Variants in ROBO2 observed in about 807,000 individuals in gnomAD.
The protein encoded by ROBO2 is roundabout guidance receptor 2.
A neutral mutation model predicts 160.8 loss-of-function variants in ROBO2; 53 were observed. That is an observed-to-expected ratio of 0.33 (90% CI 0.26 to 0.41). The LOEUF is 0.41. ROBO2 is among the 10% of genes least tolerant of loss of function. The pLI is 1.00. For synonymous variants in ROBO2, 664 were observed against 611.7 expected (o/e 1.09, Z -1.26); for missense variants, 1,577 against 1,722.4 (o/e 0.92, Z 1.49).
intron 2 of ROBO2, among the ~76,000 whole-genome samples, chr3:76,373,381 A>C (rs1186430514): frequency 1.3e-5 from 2 of 151,992 alleles, no homozygotes; most frequent in African/African-American, 4.8e-5. Flanking sequence ...ACAGAATATC[A>C]GTTTGGCTAT....
chr3:76,859,874 G>A (rs1192045857), intron 2 of ROBO2, among the ~76,000 whole-genome samples: 3 of 152,066 alleles, frequency 2.0e-5, no homozygotes, highest in African/African-American at 7.2e-5. Flanking sequence ...TGACTCATTG[G>A]AACACTGAGG....
intron 2 of ROBO2, among the ~76,000 whole-genome samples, chr3:76,165,894 A>C (rs560521451): frequency 6.6e-6 from 1 of 152,262 alleles, no homozygotes; most frequent in Non-Finnish European, 1.5e-5. Context: ...GTGAAGCAGC[A>C]AGTTTTCAGT....
At chr3:76,565,890 AATCTC>A (rs1297478182) in intron 2 of ROBO2, among the ~76,000 whole-genome samples, 1 of 152,154 alleles carries the variant, frequency 6.6e-6, no homozygotes, top group Non-Finnish European at 1.5e-5. Context: ...AGTTCACTGT[AATCTC>A]AGGTCATAGT....
At chr3:77,405,520 T>C (rs897285798) in intron 2 of ROBO2, among the ~76,000 whole-genome samples, 2 of 152,092 alleles carry the variant, frequency 1.3e-5, no homozygotes, top group Non-Finnish European at 2.9e-5. Flanking sequence ...GCCCTAAATA[T>C]AACTTAACAT....
At chr3:76,120,645 A>G (rs1158168015) in intron 2 of ROBO2, among the ~76,000 whole-genome samples, 1 of 152,180 alleles carries the variant, frequency 6.6e-6, no homozygotes, top group East Asian at 1.9e-4. Flanking sequence ...ATCTTGCCAC[A>G]TATCAGTCAT....
chr3:77,481,063 C>A, intron 3 of ROBO2, 36 bp from the exon 4 acceptor site: 1 of 1,553,194 alleles, frequency 6.4e-7, no homozygotes, highest in South Asian at 1.1e-5. Context: ...GTTCCTTTTT[C>A]TTCCCTTCTC....
chr3:76,965,108 CA>C lies in ROBO2; in HGVS notation c.110-132902del, dbSNP rs756136111. ...TAGGTGGACATCATCAATGTGTCAG[CA>C]AAAGGCTTGAGCTGACAATGTCCTT... On this transcript the variant is annotated intron_variant, in intron 2 of 26. Transcript: ENST00000487694. Among the ~76,000 whole-genome samples the C allele has an allele frequency of 1.3e-5, 2 of 152,266 alleles. 1 individual carries two copies. Among genetic ancestry groups the C allele is most frequent in the Middle Eastern group, 6.8e-3 (2 of 294 alleles).
chr3:76,701,288 C>T (rs1296001226), intron 2 of ROBO2, among the ~76,000 whole-genome samples: 1 of 152,112 alleles, frequency 6.6e-6, no homozygotes, highest in African/African-American at 2.4e-5. Flanking sequence ...ATTTTGTCCT[C>T]TGCCTCATCC....
intron 2 of ROBO2, among the ~76,000 whole-genome samples, chr3:77,400,850 G>T (rs1019023143): frequency 6.6e-6 from 1 of 152,142 alleles, no homozygotes; most frequent in Non-Finnish European, 1.5e-5. Context: ...TCTATACCTA[G>T]TGAGTGGCAA....
intron 2 of ROBO2, chr3:77,317,152 CCCAG>C (rs1253978116): frequency 3.8e-6 from 4 of 1,043,586 alleles, no homozygotes; most frequent in Non-Finnish European, 6.0e-6. Flanking sequence ...GCATCTGGTA[CCCAG>C]CCAGCCAGCC....
rs187052791 is a variant in ROBO2 at position 76,431,528 on chromosome 3, A to T, written c.109+493926A>T. 2.6e-4 allele frequency among the ~76,000 whole-genome samples: 40 copies of T among 152,298 alleles called. No individual in the cohort carries two copies. The East Asian group carries it at 7.5e-3, about 29-fold the overall frequency. On this transcript the variant is annotated intron_variant, in intron 2 of 26. Coordinates refer to the ROBO2 transcript ENST00000487694. The stretch of plus-strand genomic sequence containing the variant: ...ATATTTATGACTATACTTTGTAAGC[A>T]TTAATGCCAGTGGATTAAGCTTAGT...
At position 77,493,275 on chromosome 3, in the gene ROBO2, C is replaced by T. The variant is rs547140173; in HGVS notation, c.699C>T (p.Asn233=). 4 of 1,613,468 alleles carry T rather than the reference C, an allele frequency of 2.5e-6. No individual in the cohort carries two copies. The African/African-American group carries it at 4.0e-5, about 16-fold the overall frequency. ...CCACATTTCTCAGGAGGCCAATTAA[C>T]CAGGTGGTACTGGAGGAAGAAGCTG... Residue 233 remains asparagine, a synonymous_variant, in exon 5 of 26, where the codon AAC becomes AAT. Transcript: ENST00000461745.
chr3:75,930,123 A>G (rs1947472492), intron 1 of ROBO2, among the ~76,000 whole-genome samples: 1 of 152,074 alleles, frequency 6.6e-6, no homozygotes. Flanking sequence ...ATTTTTTGAC[A>G]TCTTTATTTC....
At chr3:76,067,824 G>A (rs1423952169) in intron 2 of ROBO2, among the ~76,000 whole-genome samples, 2 of 130,224 alleles carry the variant, frequency 1.5e-5, no homozygotes, top group Non-Finnish European at 3.2e-5. Context: ...GTAAAAATTT[G>A]AGGTTAAGCC....
In ROBO2 at chr3:76,624,849, A is replaced by G. The variant is rs184491083; in HGVS notation, c.110-473165A>G. Among the ~76,000 whole-genome samples, 350 of 147,106 alleles carry G rather than the reference A, an allele frequency of 2.4e-3. 1 individual carries two copies. The highest frequency in any genetic ancestry group is 0.013 in the South Asian group (62 of 4,638). On this transcript the variant is annotated intron_variant, in intron 2 of 26. Coordinates refer to the ROBO2 transcript ENST00000487694. ...AAAAAAAAAAAGAATATCCTTATAG[A>G]AAACTGTGATATCTGGAAAATGAAT... is the stretch of plus-strand genomic sequence containing the variant.
At chr3:76,506,798 T>A (rs937239650) in intron 2 of ROBO2, among the ~76,000 whole-genome samples, 1 of 152,120 alleles carries the variant, frequency 6.6e-6, no homozygotes, top group Non-Finnish European at 1.5e-5. Flanking sequence ...GGAGGAGTGA[T>A]CCCTGATTCA....
At chr3:76,715,092 A>G (rs1024184590) in intron 2 of ROBO2, among the ~76,000 whole-genome samples, 2 of 152,262 alleles carry the variant, frequency 1.3e-5, no homozygotes, top group Non-Finnish European at 1.5e-5. Flanking sequence ...TAGGGATAAA[A>G]TAGGTTTTCC....
At chr3:76,815,164 A>T (rs896394539) in intron 2 of ROBO2, among the ~76,000 whole-genome samples, 2 of 152,094 alleles carry the variant, frequency 1.3e-5, no homozygotes, top group African/African-American at 4.8e-5. Flanking sequence ...GGAGCTAAAA[A>T]AATTTAGTAT....
chr3:76,086,332 G>T (rs1442167882), intron 2 of ROBO2, among the ~76,000 whole-genome samples: 3 of 152,084 alleles, frequency 2.0e-5, no homozygotes, highest in African/African-American at 7.2e-5. Flanking sequence ...CCGCCCCCAT[G>T]ATTCAGTCAC....
Sources: allele counts gnomAD v4.1 joint callset (sites outside exome capture counted in the v4.1 genomes callset), GRCh38; gene constraint gnomAD v4.1.1; transcripts MANE v1.5; gene names NCBI Gene and HGNC (gene_info 2026-07-23, HGNC 2026-07-21).